UBR4: variants seen among roughly 807,000 people sequenced by gnomAD.
The protein encoded by UBR4 is ubiquitin protein ligase E3 component n-recognin 4.
A neutral mutation model predicts 575.6 loss-of-function variants in UBR4; 124 were observed. The observed-to-expected ratio is 0.22, with a 90% CI of 0.19 to 0.25. The LOEUF is 0.25. UBR4 is among the 10% of genes least tolerant of loss of function. The probability of loss-of-function intolerance (pLI) is 1.00; values close to 1 mark genes in which losing one functional copy is unlikely to be tolerated. For synonymous variants in UBR4, 2,455 were observed against 2,473.7 expected, an observed-to-expected ratio of 0.99 and a Z score of 0.22; for missense variants, 4,818 against 6,478.8, an observed-to-expected ratio of 0.74 and a Z score of 8.80.
At chr1:19,085,733 G>A (rs975863887) in intron 101 of UBR4, among the ~76,000 whole-genome samples, 1 of 152,044 alleles carries the variant, frequency 6.6e-6, no homozygotes. Context: ...GCCTTCTAAG[G>A]AGCCCAACAT....
Position 19,170,986 on chromosome 1 carries a change from A to G in UBR4, c.3522-103T>C, listed in dbSNP as rs969865727. 10 of 1,518,230 alleles carry G rather than the reference A, an allele frequency of 6.6e-6. No homozygotes were observed. The African/African-American group carries it at 6.9e-5, about 11-fold the overall frequency. 94.0% of individuals were successfully genotyped at this position (1,518,230 alleles called of 1,614,324 possible). ...TGAAAACCCTATATCTCAGTTTCCT[A>G]TCTATTTAATGTAGTTGATAGTGCC... On this transcript the variant is annotated intron_variant, in intron 25 of 105. Transcript: ENST00000375254.
Position 19,167,133 on chromosome 1 carries a change from G to A in UBR4, c.3998C>T (p.Ser1333Phe). ...TESVAEISSN[S>F]LERILGPAES... ...AGCAGGGCCCAAGATGCGTTCCAGG[G>A]AGTTGCTACTGATCTCGGCAACACT... Residue 1333 changes from serine to phenylalanine, a missense_variant, in exon 29 of 106, where the codon TCC (serine) becomes TTC (phenylalanine). Around this residue, in one of 29 missense-constraint regions of UBR4, gnomAD observed 1,172 missense variants for 1,259.7 expected, o/e 0.93. Coordinates refer to ENST00000375254, the MANE Select transcript of UBR4 (RefSeq NM_020765.3). The A allele has an allele frequency of 6.2e-7, 1 of 1,614,194 alleles. No homozygotes were observed. The highest frequency in any genetic ancestry group is 8.5e-7 in the Non-Finnish European group (1 of 1,180,032).
At chr1:19,167,846 T>C (rs2088777915) in intron 28 of UBR4, among the ~76,000 whole-genome samples, 181 bp downstream of exon 28, 1 of 152,228 alleles carries the variant, frequency 6.6e-6, no homozygotes, top group Non-Finnish European at 1.5e-5. Flanking sequence ...CTCTATTGTC[T>C]TTCAGATCTA....
chr1:19,140,461 T>C (rs2083745016), intron 58 of UBR4, among the ~76,000 whole-genome samples: 1 of 152,368 alleles, frequency 6.6e-6, no homozygotes, highest in South Asian at 2.1e-4. Context: ...CTTTTAATAC[T>C]GTCTAAAATG....
chr1:19,114,945 T>C lies in UBR4; in HGVS notation c.11068A>G (p.Ile3690Val). 6.2e-7 allele frequency: 1 copy of C among 1,614,212 alleles called. No homozygotes were observed. The highest frequency in any genetic ancestry group is 8.5e-7 in the Non-Finnish European group (1 of 1,180,024). Reference protein sequence around the residue: ...NVYQCHKCRSINYDEKDPFLC... With the variant: ...NVYQCHKCRSVNYDEKDPFLC... ...AAGGGATCCTTTTCATCGTAGTTGA[T>C]GGATCTGAGTAACCAAAGCGTTTGG... Residue 3690 changes from isoleucine (I) to valine (V), a missense_variant, in exon 75 of 106, where the codon ATC becomes GTC. By Grantham distance (29) the Ile-to-Val change is conservative. Transcript: ENST00000375254.
intron 58 of UBR4, among the ~76,000 whole-genome samples, chr1:19,140,176 A>AG (rs1182274429): frequency 6.6e-6 from 1 of 151,980 alleles, no homozygotes; most frequent in Non-Finnish European, 1.5e-5. Context: ...GGGGTTGACC[A>AG]GGTATCTCCA....
At chr1:19,180,065 T>G (rs1258001205) in intron 17 of UBR4, among the ~76,000 whole-genome samples, 2 of 152,218 alleles carry the variant, frequency 1.3e-5, no homozygotes, top group African/African-American at 4.8e-5. Flanking sequence ...CAGAGCATAC[T>G]TTGTTGTCAC....
At chr1:19,127,168 T>C (rs796985637) in intron 63 of UBR4, among the ~76,000 whole-genome samples, 6 of 152,294 alleles carry the variant, frequency 3.9e-5, no homozygotes, top group African/African-American at 1.4e-4. Context: ...AGAAGAGCCT[T>C]GCAAATCCCA....
intron 14 of UBR4, 141 bp downstream of exon 14, chr1:19,186,399 A>C (rs958660960): frequency 1.9e-5 from 10 of 535,368 alleles, no homozygotes; most frequent in African/African-American, 1.1e-4. Context: ...CTTTGAATGC[A>C]CATAAAACCA....
In UBR4 at chr1:19,112,736, G is replaced by A. The variant is rs142834060; in HGVS notation, c.11589C>T (p.Gly3863=). Residue 3863 remains glycine, a synonymous_variant, in exon 78 of 106, where the codon GGC becomes GGT. Coordinates refer to ENST00000375254, the MANE Select transcript of UBR4 (RefSeq NM_020765.3). Reference sequence around the variant, plus strand: ...ACTTGGTGGAGGATGTGTGGCCACAGCCCAGGACGGATAAGGCACGGTACT... The same window carrying A: ...ACTTGGTGGAGGATGTGTGGCCACAACCCAGGACGGATAAGGCACGGTACT... ...ASQYRALSVL[G]CGHTSSTKCY... 3 of 1,614,124 alleles carry A rather than the reference G, an allele frequency of 1.9e-6. No individual in the cohort carries two copies. The highest frequency in any genetic ancestry group is 2.5e-6 in the Non-Finnish European group (3 of 1,180,042).
intron 8 of UBR4, among the ~76,000 whole-genome samples, chr1:19,195,122 G>A (rs1386258371): frequency 6.6e-6 from 1 of 151,248 alleles, no homozygotes; most frequent in Non-Finnish European, 1.5e-5. Context: ...AAAATTAGCC[G>A]GGCATGGTAG....
At chr1:19,162,378 C>A in intron 35 of UBR4, 42 bp downstream of exon 35, 1 of 1,572,654 alleles carries the variant, frequency 6.4e-7, no homozygotes, top group South Asian at 1.2e-5. Flanking sequence ...GCCAGTTAGT[C>A]ATTACCTTGA....
Position 19,140,792 on chromosome 1 carries a change from T to C in UBR4, c.8589A>G (p.Ala2863=), listed in dbSNP as rs756450594. The change falls in exon 58 of 106, where the codon GCA becomes GCG. Residue 2863 remains alanine, a synonymous_variant. Transcript: ENST00000375254. The part of the protein sequence containing the change: ...LDAGTLSDTT[A]SAPASDDEGS... ...CTCCTTGCTGTGGACAGTTACCTGA[T>C]GCTGTGGTGTCAGAGAGGGTTCCTG... 8.1e-6 allele frequency: 13 copies of C among 1,612,900 alleles called. No individual in the cohort carries two copies. In the South Asian group the frequency reaches 1.1e-4, roughly 14 times the overall value.
Position 19,193,573 on chromosome 1 carries a change from C to T in UBR4, c.1019-16G>A, listed in dbSNP as rs751999200. 1.8e-5 allele frequency: 29 copies of T among 1,611,056 alleles called. No individual in the cohort carries two copies. Among genetic ancestry groups the T allele is most frequent in the Non-Finnish European group, 8.5e-7 (1 of 1,178,326 alleles). On this transcript the variant is annotated splice_polypyrimidine_tract_variant and intron_variant, in intron 8 of 105. Transcript: ENST00000375254. ...ACACTCACACCTGAAAAAGAAGATG[C>T]ACAGGTCTCAGCCATGGAGTGCATC...
chr1:19,086,028 G>A, intron 101 of UBR4, 117 bp downstream of exon 101: 1 of 1,430,958 alleles, frequency 7.0e-7, no homozygotes, highest in Non-Finnish European at 9.3e-7. Context: ...AGACAGACAT[G>A]GATTCCCAAG....
At chr1:19,143,259 G>GAAGAAAGAAAGAAAGAAAGAAAGAAAGA (rs200550539) in intron 55 of UBR4, among the ~76,000 whole-genome samples, 1 of 91,566 alleles carries the variant, frequency 1.1e-5, no homozygotes, top group Admixed American at 1.1e-4. Flanking sequence ...AGGAAGGAAG[G>GAAGAAAGAAAGAAAGAAAGAAAGAAAGA]AAGAAAGAAA....
intron 81 of UBR4, 135 bp from the exon 82 acceptor site, chr1:19,107,101 T>G: frequency 1.2e-5 from 15 of 1,289,816 alleles, no homozygotes; most frequent in Non-Finnish European, 1.5e-5. Flanking sequence ...CGTGTATCTC[T>G]TATGCCCAAA....
rs1057040413 is a variant in UBR4, at chr1:19,207,143, C to A, written c.176+2930G>T. 1.2e-4 allele frequency among the ~76,000 whole-genome samples: 19 copies of A among 152,300 alleles called. No individual in the cohort carries two copies. In the South Asian group the frequency reaches 2.5e-3, roughly 20 times the overall value. ...TGGCAGGTTTAACAAGAGAAAAAAA[C>A]CAGGAAACTGCAGAAGATGGGAGTG... On this transcript the variant is annotated intron_variant, in intron 1 of 105. Transcript: ENST00000375254.
At chr1:19,114,786 G>C in intron 75 of UBR4, 25 bp downstream of exon 75, 2 of 1,613,400 alleles carry the variant, frequency 1.2e-6, no homozygotes, top group Non-Finnish European at 1.7e-6. Context: ...CCACAGCCCT[G>C]AGTCTAGGCC....
Sources: allele counts gnomAD v4.1 joint callset (sites outside exome capture counted in the v4.1 genomes callset), GRCh38; gene constraint gnomAD v4.1.1; regional missense constraint gnomAD v4.1.1; transcripts MANE v1.5; gene names NCBI Gene and HGNC (gene_info 2026-07-23, HGNC 2026-07-21).